Variants in SLC35D1 observed in about 807,000 individuals in gnomAD.
SLC35D1 encodes the protein nucleotide sugar transporter SLC35D1.
Under a neutral mutation model 46.7 loss-of-function variants are expected in SLC35D1, and 31 were observed. The ratio of observed to expected loss-of-function variants is 0.66; its 90% confidence interval spans 0.50 to 0.90. The LOEUF (loss-of-function observed/expected upper bound fraction) is 0.90, where lower values mean the gene tolerates loss of function less well. SLC35D1 is among the 40% of genes least tolerant of loss of function. SLC35D1 has a pLI of 0.00. For synonymous variants in SLC35D1, 195 were observed against 164.6 expected (o/e 1.18, Z -1.41); for missense variants, 397 against 426.2 (o/e 0.93, Z 0.60).
chr1:66,984,794 G>A, the SLC35D1 span: 2 of 1,614,010 alleles, frequency 1.2e-6, no homozygotes, highest in Non-Finnish European at 8.5e-7. Flanking sequence ...CCTGCCAAAA[G>A]GCGAAGGGTA....
At chr1:67,014,670 G>GTTTTTTTTTTTTTTTT (rs34459732) in intron 10 of SLC35D1, among the ~76,000 whole-genome samples, 1 of 99,986 alleles carries the variant, frequency 1.0e-5, no homozygotes, top group Non-Finnish European at 1.9e-5. Flanking sequence ...TCAATTTTTA[G>GTTTTTTTTTTTTTTTT]TTTTTTTTTT....
At chr1:66,988,743 C>G in the SLC35D1 span, 3 of 152,166 alleles carry the variant, frequency 2.0e-5, no homozygotes, top group East Asian at 5.7e-4. Flanking sequence ...GTGACAGTTT[C>G]ACATTTAAAT....
Position 67,003,470 on chromosome 1 carries a change from T to G in SLC35D1, c.*870A>C, listed in dbSNP as rs1667384248. On this transcript the variant is annotated 3_prime_UTR_variant, in exon 12 of 12. Coordinates refer to ENST00000235345, the MANE Select transcript of SLC35D1 (RefSeq NM_015139.3). The stretch of plus-strand genomic sequence containing the variant: ...TGCGGCTTTTGAGTGCTGAAACAAC[T>G]TACTCTTAGTGACATCTTCTGAATA... 1 of 152,216 alleles carries G rather than the reference T, an allele frequency of 6.6e-6. No homozygotes were observed. The highest frequency in any genetic ancestry group is 2.1e-4 in the South Asian group (1 of 4,830). 9.4% of individuals were successfully genotyped at this position (152,216 alleles called of 1,614,324 possible).
At position 67,050,581 on chromosome 1, in the gene SLC35D1, T is replaced by A. The variant is rs1161246279; in HGVS notation, c.393-77A>T. 2.7e-6 allele frequency: 3 copies of A among 1,116,842 alleles called. No individual in the cohort carries two copies. The African/African-American group carries it at 4.7e-5, about 17-fold the overall frequency. The allele number at this position is 1,116,842 out of a possible 1,614,324, so 69.2% of individuals were successfully genotyped here. The stretch of plus-strand genomic sequence containing the variant: ...AACTAAGATTTTCCAAATTGGTAGT[T>A]AAAATAATGCTATTCTTCCATTATG... On this transcript the variant is annotated intron_variant, in intron 4 of 11. Transcript: ENST00000235345.
At chr1:67,010,967 A>T (rs1667554577) in intron 10 of SLC35D1, among the ~76,000 whole-genome samples, 2 of 152,142 alleles carry the variant, frequency 1.3e-5, no homozygotes, top group African/African-American at 4.8e-5. Flanking sequence ...ACTAACTGAG[A>T]GTCTAACACC....
intron 8 of SLC35D1, among the ~76,000 whole-genome samples, chr1:67,023,928 T>C (rs911116446): frequency 6.6e-6 from 1 of 151,832 alleles, no homozygotes; most frequent in Non-Finnish European, 1.5e-5. Context: ...TTTCCCAGTC[T>C]GTGACTCACC....
intron 7 of SLC35D1, 34 bp from the exon 8 acceptor site, chr1:67,042,362 G>A (rs771014140): frequency 7.0e-6 from 11 of 1,579,272 alleles, no homozygotes; most frequent in East Asian, 2.2e-5. Context: ...TTTCATCTGC[G>A]TTTTGTTCTA....
Position 67,047,375 on chromosome 1 carries a change from A to G in SLC35D1, c.534-8T>C, listed in dbSNP as rs1645263775. 6.2e-7 allele frequency: 1 copy of G among 1,604,570 alleles called. No homozygotes were observed. The highest frequency in any genetic ancestry group is 1.3e-5 in the African/African-American group (1 of 74,804). On this transcript the variant is annotated splice_region_variant and splice_polypyrimidine_tract_variant and intron_variant, in intron 6 of 11. Transcript: ENST00000235345. ...TCAAATGCCAAGTCAGAGCTGCAAAACATAAGCAACACTTTAAGAACAACT... is the reference window on the plus strand; with the variant it reads ...TCAAATGCCAAGTCAGAGCTGCAAAGCATAAGCAACACTTTAAGAACAACT...
rs781715299 is a variant in SLC35D1 at position 67,047,316 on chromosome 1, A to G, written c.585T>C (p.Asp195=). The change falls in exon 7 of 12, where the codon GAT becomes GAC. Residue 195 remains aspartate (D), a synonymous_variant. Coordinates refer to ENST00000235345, the MANE Select transcript of SLC35D1 (RefSeq NM_015139.3). ...LEGYAFILIN[D]VLTAANGAYV... ...ATGCACCATTTGCTGCTGTTAGGAC[A>G]TCGTTTATCAGAATAAAAGCATATC... 2 of 1,613,396 alleles carry G rather than the reference A, an allele frequency of 1.2e-6. No homozygotes were observed. Among genetic ancestry groups the G allele is most frequent in the Admixed American group, 1.7e-5 (1 of 60,006 alleles).
chr1:66,983,941 G>C, the SLC35D1 span, among the ~76,000 whole-genome samples: 1 of 152,166 alleles, frequency 6.6e-6, no homozygotes, highest in Non-Finnish European at 1.5e-5. Flanking sequence ...GGCCAGGCTG[G>C]TCTTGAACTC....
At chr1:67,019,182 G>T (rs1400926711) in intron 10 of SLC35D1, among the ~76,000 whole-genome samples, 1 of 152,140 alleles carries the variant, frequency 6.6e-6, no homozygotes, top group African/African-American at 2.4e-5. Flanking sequence ...TAGGCTTTCC[G>T]GCATCATCCG....
intron 8 of SLC35D1, among the ~76,000 whole-genome samples, chr1:67,040,006 T>G (rs1287505143): frequency 6.6e-6 from 1 of 151,902 alleles, no homozygotes; most frequent in Non-Finnish European, 1.5e-5. Flanking sequence ...TTTTTTTTTT[T>G]TTTTTTGAGA....
chr1:67,048,125 A>G (rs1417221452), intron 6 of SLC35D1, among the ~76,000 whole-genome samples: 1 of 152,236 alleles, frequency 6.6e-6, no homozygotes, highest in Non-Finnish European at 1.5e-5. Context: ...AGACTTATCT[A>G]ATGAGTTCTA....
the SLC35D1 span, chr1:66,988,639 T>C: frequency 6.6e-6 from 1 of 152,364 alleles, no homozygotes; most frequent in Non-Finnish European, 1.5e-5. Context: ...AGAAGTAATT[T>C]GAACACACTT....
chr1:67,006,481 C>T (rs1298070613), intron 11 of SLC35D1, among the ~76,000 whole-genome samples: 1 of 152,156 alleles, frequency 6.6e-6, no homozygotes, highest in African/African-American at 2.4e-5. Context: ...CCTCTAGCTT[C>T]GCCTTCCCAC....
At chr1:66,973,866 T>C in the SLC35D1 span, among the ~76,000 whole-genome samples, 2 of 152,130 alleles carry the variant, frequency 1.3e-5, no homozygotes, top group Non-Finnish European at 2.9e-5. Flanking sequence ...TTCTAAGTTT[T>C]GTGTCGTAGC....
chr1:67,004,251 C>A lies in SLC35D1; in HGVS notation c.*89G>T. ...AAGGAATGGTTATTTCCTCCATAAT[C>A]AAGACACCTCAGTGTCTCTGTAGGA... On this transcript the variant is annotated 3_prime_UTR_variant, in exon 12 of 12. Transcript: ENST00000235345. The A allele has an allele frequency of 9.3e-7, 1 of 1,075,860 alleles. No homozygotes were observed. The highest frequency in any genetic ancestry group is 1.4e-6 in the Non-Finnish European group (1 of 695,330). The allele number at this position is 1,075,860 out of a possible 1,614,324, so 66.6% of individuals were successfully genotyped here.
At chr1:66,982,556 T>G in the SLC35D1 span, among the ~76,000 whole-genome samples, 1 of 152,204 alleles carries the variant, frequency 6.6e-6, no homozygotes, top group South Asian at 2.1e-4. Flanking sequence ...TATTTTGATT[T>G]CTTCTTTGAT....
At chr1:66,993,383 G>A in the SLC35D1 span, among the ~76,000 whole-genome samples, 1 of 152,322 alleles carries the variant, frequency 6.6e-6, no homozygotes, top group South Asian at 2.1e-4. Context: ...CAGTGACCAT[G>A]ATGGACTGAA....
Sources: gnomAD v4.1 joint callset for allele counts (sites outside exome capture counted in the v4.1 genomes callset) on GRCh38, gnomAD v4.1.1 for gene constraint, MANE v1.5 for transcripts, NCBI Gene and HGNC (gene_info 2026-07-23, HGNC 2026-07-21) for gene names.